Variants in SHISA9 observed in about 807,000 individuals in gnomAD.
SHISA9 encodes protein shisa-9.
A neutral mutation model predicts 38.0 loss-of-function variants in SHISA9; 13 were observed. That is an observed-to-expected ratio of 0.34 (90% CI 0.22 to 0.54). The LOEUF is 0.54. SHISA9 is among the 20% of genes least tolerant of loss of function. The pLI is 0.91. For synonymous variants in SHISA9, 275 were observed against 242.0 expected, an observed-to-expected ratio of 1.14 and a Z score of -1.27; for missense variants, 538 against 575.8, an observed-to-expected ratio of 0.93 and a Z score of 0.67.
rs8058793 is a variant in SHISA9, at chr16:13,081,890, T to A, written c.692-121504T>A. Among the ~76,000 whole-genome samples the A allele has an allele frequency of 5.7e-3, 870 of 152,016 alleles. 10 individuals carry two copies. The highest frequency in any genetic ancestry group is 0.02 in the African/African-American group (816 of 41,440). ...AAAGGTTTCTACTGATCAACTAGAT[T>A]TAGCGTGTGTGTGTGTGTTTGTGTG... On this transcript the variant is annotated intron_variant, in intron 2 of 4. Coordinates refer to ENST00000558583, the MANE Select transcript of SHISA9 (RefSeq NM_001145204.3).
In SHISA9 at chr16:12,908,796, A is replaced by T. The variant is rs373814390; in HGVS notation, c.563+6169A>T. 51 of 1,364,954 alleles carry T rather than the reference A, an allele frequency of 3.7e-5. No homozygotes were observed. The South Asian group carries it at 4.1e-4, about 11-fold the overall frequency. The allele number at this position is 1,364,954 out of a possible 1,614,324, so 84.6% of individuals were successfully genotyped here. A position where few individuals can be genotyped will look rare whatever the true frequency, so the allele number is the denominator to read the frequency against. The stretch of plus-strand genomic sequence containing the variant: ...CGTCTTGGTGGAGGCGTTGGTGAGA[A>T]ATGACCTTGGGGACAGAAGCACATA... On this transcript the variant is annotated intron_variant, in intron 1 of 4. Coordinates refer to ENST00000558583, the MANE Select transcript of SHISA9 (RefSeq NM_001145204.3).
chr16:13,387,857 G>A, the SHISA9 span, among the ~76,000 whole-genome samples: 32 of 151,988 alleles, frequency 2.1e-4, no homozygotes, highest in Non-Finnish European at 4.1e-4. Flanking sequence ...TACACCCTTA[G>A]TCTCAGTAGT....
the SHISA9 span, among the ~76,000 whole-genome samples, chr16:13,306,713 C>T: frequency 2.6e-5 from 4 of 152,240 alleles, no homozygotes; most frequent in South Asian, 8.3e-4. Flanking sequence ...CAGAGCAAGA[C>T]ATTAATCAAA....
intron 4 of SHISA9, among the ~76,000 whole-genome samples, chr16:13,222,398 T>C (rs529801414): frequency 1.3e-5 from 2 of 152,192 alleles, no homozygotes; most frequent in Admixed American, 1.3e-4. Context: ...TGCATTGTTA[T>C]AGTTGGTTGC....
chr16:12,931,172 T>C (rs2071456772), intron 2 of SHISA9, among the ~76,000 whole-genome samples: 1 of 152,246 alleles, frequency 6.6e-6, no homozygotes, highest in Non-Finnish European at 1.5e-5. Context: ...GGATGTATTA[T>C]GTAGTGGATA....
intron 2 of SHISA9, among the ~76,000 whole-genome samples, chr16:13,028,673 C>G (rs188666914): frequency 6.6e-6 from 1 of 152,130 alleles, no homozygotes; most frequent in East Asian, 1.9e-4. Flanking sequence ...GGGACACAGC[C>G]AAACCATATC....
chr16:13,004,750 C>A (rs2072573576), intron 2 of SHISA9, among the ~76,000 whole-genome samples: 1 of 151,434 alleles, frequency 6.6e-6, no homozygotes, highest in South Asian at 2.1e-4. Context: ...CATGGTGAAA[C>A]CCCATCTCTA....
intron 2 of SHISA9, among the ~76,000 whole-genome samples, chr16:13,116,303 C>T (rs778660342): frequency 3.9e-5 from 6 of 152,018 alleles, no homozygotes; most frequent in Non-Finnish European, 8.8e-5. Context: ...TGTCAGTGCC[C>T]CAGGTTCTCA....
intron 2 of SHISA9, among the ~76,000 whole-genome samples, chr16:12,967,979 C>A (rs1180390396): frequency 2.0e-5 from 3 of 152,002 alleles, no homozygotes; most frequent in African/African-American, 7.3e-5. Flanking sequence ...CACCTTAGGT[C>A]AGGAGTTCAA....
the SHISA9 span, among the ~76,000 whole-genome samples, chr16:13,391,857 G>C: frequency 6.6e-6 from 1 of 152,240 alleles, no homozygotes; most frequent in South Asian, 2.1e-4. Context: ...GGCAATTCAG[G>C]GACTGTCAGA....
the SHISA9 span, among the ~76,000 whole-genome samples, chr16:13,513,795 A>G: frequency 6.6e-6 from 1 of 152,160 alleles, no homozygotes; most frequent in Non-Finnish European, 1.5e-5. Context: ...ATGAAAACAC[A>G]TGGACACAGG....
At chr16:13,264,506 C>T in the SHISA9 span, among the ~76,000 whole-genome samples, 5 of 152,014 alleles carry the variant, frequency 3.3e-5, no homozygotes, top group African/African-American at 4.8e-5. Flanking sequence ...AAACCAGGGG[C>T]GGAGTTTCTT....
the SHISA9 span, among the ~76,000 whole-genome samples, chr16:13,420,850 C>G: frequency 1.3e-5 from 2 of 152,190 alleles, no homozygotes; most frequent in Non-Finnish European, 2.9e-5. Flanking sequence ...AGCTGAGATT[C>G]TGCAGATGAC....
chr16:13,006,187 A>G (rs867878103), intron 2 of SHISA9, among the ~76,000 whole-genome samples: 9 of 152,160 alleles, frequency 5.9e-5, no homozygotes, highest in African/African-American at 1.9e-4. Flanking sequence ...GGAGAGAAAA[A>G]TATGCCTGCC....
intron 2 of SHISA9, among the ~76,000 whole-genome samples, chr16:12,955,790 G>A (rs748161804): frequency 2.0e-5 from 3 of 152,034 alleles, no homozygotes; most frequent in Non-Finnish European, 2.9e-5. Flanking sequence ...CTAAGACCTG[G>A]ACCTATAAAA....
chr16:13,442,970 G>C, the SHISA9 span, among the ~76,000 whole-genome samples: 1 of 152,068 alleles, frequency 6.6e-6, no homozygotes, highest in Non-Finnish European at 1.5e-5. Context: ...TAGGTTGGCA[G>C]CTGACTGTTT....
chr16:12,902,734 T>C (rs1217893610), intron 1 of SHISA9, 107 bp downstream of exon 1: 6 of 1,166,622 alleles, frequency 5.1e-6, no homozygotes, highest in Non-Finnish European at 7.0e-6. Flanking sequence ...GCTCCCCGCA[T>C]CCCAGCCTCT....
intron 2 of SHISA9, among the ~76,000 whole-genome samples, chr16:13,018,719 A>C (rs1448066435): frequency 6.6e-6 from 1 of 152,182 alleles, no homozygotes; most frequent in African/African-American, 2.4e-5. Flanking sequence ...TCGCCTGTCA[A>C]CTTTGGCGAC....
At chr16:12,916,461 A>G (rs1371562734) in intron 1 of SHISA9, among the ~76,000 whole-genome samples, 1 of 152,204 alleles carries the variant, frequency 6.6e-6, no homozygotes, top group African/African-American at 2.4e-5. Flanking sequence ...CTGTTATTAC[A>G]TGGCTGCTGT....
Sources: gnomAD v4.1 joint callset for allele counts (sites outside exome capture counted in the v4.1 genomes callset) on GRCh38, gnomAD v4.1.1 for gene constraint, MANE v1.5 for transcripts, NCBI Gene and HGNC (gene_info 2026-07-23, HGNC 2026-07-21) for gene names.